Variants in KCNB2 observed in about 807,000 individuals in gnomAD.
The protein encoded by KCNB2 is delayed rectifier potassium channel protein.
Under a neutral mutation model 61.5 loss-of-function variants are expected in KCNB2, and 15 were observed. The observed-to-expected ratio is 0.24, with a 90% CI of 0.16 to 0.38. The LOEUF (loss-of-function observed/expected upper bound fraction) is 0.38. Among genes scored for constraint, KCNB2 ranks in the 10% least tolerant of loss-of-function variants. The pLI is 1.00. For synonymous variants in KCNB2, 457 were observed against 446.0 expected (o/e 1.02, Z -0.31); for missense variants, 828 against 1,125.2 (o/e 0.74, Z 3.78).
chr8:72,890,446 G>A (rs7013227), intron 2 of KCNB2, among the ~76,000 whole-genome samples: 6,301 of 152,184 alleles, frequency 0.041, 392 homozygotes, highest in African/African-American at 0.14. Context: ...ATACTATGCC[G>A]TCTTAGTAAG....
chr8:72,666,430 T>C (rs989586287), intron 2 of KCNB2, among the ~76,000 whole-genome samples: 3 of 152,164 alleles, frequency 2.0e-5, no homozygotes, highest in African/African-American at 7.2e-5. Flanking sequence ...ATAATAATGG[T>C]CAATATCTGT....
At chr8:72,871,706 G>A (rs1395319941) in intron 2 of KCNB2, among the ~76,000 whole-genome samples, 1 of 152,034 alleles carries the variant, frequency 6.6e-6, no homozygotes, top group Non-Finnish European at 1.5e-5. Flanking sequence ...ACTCTCCCTT[G>A]TTCTCTGTGT....
intron 2 of KCNB2, among the ~76,000 whole-genome samples, chr8:72,746,435 CTT>C (rs1168375745): frequency 6.6e-6 from 1 of 152,174 alleles, no homozygotes; most frequent in African/African-American, 2.4e-5. Flanking sequence ...GCTGAAAACT[CTT>C]TAAAATGTTC....
chr8:72,915,814 G>A (rs1806388462), intron 2 of KCNB2, among the ~76,000 whole-genome samples: 1 of 152,166 alleles, frequency 6.6e-6, no homozygotes, highest in Admixed American at 6.5e-5. Flanking sequence ...AGCTACTCAG[G>A]AGGCTGAGGC....
chr8:72,714,757 A>T (rs535575521), intron 2 of KCNB2, among the ~76,000 whole-genome samples: 14 of 152,092 alleles, frequency 9.2e-5, no homozygotes, highest in Non-Finnish European at 1.9e-4. Flanking sequence ...ATCAACTAAC[A>T]AGCAAAATAA....
intron 2 of KCNB2, among the ~76,000 whole-genome samples, chr8:72,689,081 T>C (rs148970507): frequency 7.8e-4 from 118 of 152,226 alleles, no homozygotes; most frequent in African/African-American, 2.7e-3. Context: ...CTTTCACATA[T>C]TGAGGAAGGA....
intron 2 of KCNB2, among the ~76,000 whole-genome samples, chr8:72,635,731 A>G (rs1335841852): frequency 6.6e-6 from 1 of 152,226 alleles, no homozygotes; most frequent in Non-Finnish European, 1.5e-5. Context: ...TGTGGCATAT[A>G]AAGAAGAGAA....
chr8:72,893,901 CAT>C (rs1212121351), intron 2 of KCNB2, among the ~76,000 whole-genome samples: 3 of 152,118 alleles, frequency 2.0e-5, no homozygotes, highest in Non-Finnish European at 2.9e-5. Context: ...ATAATAAAGT[CAT>C]GTGTAAATCC....
rs551058584 is a variant in KCNB2, at chr8:72,640,150, G to A, written c.579+71837G>A. On this transcript the variant is annotated intron_variant, in intron 2 of 2. Coordinates refer to ENST00000523207, the MANE Select transcript of KCNB2 (RefSeq NM_004770.3). ...AAGAAATGAAGGAACAAAGTGGTGT[G>A]TGCTTTGTTTAGTGGACAGTGACTA... 1.4e-3 allele frequency among the ~76,000 whole-genome samples: 217 copies of A among 152,188 alleles called. 1 individual carries two copies. The highest frequency in any genetic ancestry group is 4.9e-3 in the African/African-American group (202 of 41,546).
chr8:72,848,869 TCAAGGAGCTTA>T (rs1293063066), intron 2 of KCNB2, among the ~76,000 whole-genome samples: 5 of 152,026 alleles, frequency 3.3e-5, no homozygotes, highest in Non-Finnish European at 7.4e-5. Context: ...CCTTCTACCG[TCAAGGAGCTTA>T]CAAGCTATTG....
chr8:72,625,304 G>A (rs532020481), intron 2 of KCNB2, among the ~76,000 whole-genome samples: 96 of 152,186 alleles, frequency 6.3e-4, no homozygotes, highest in Non-Finnish European at 1.2e-3. Flanking sequence ...TGAGGAGCTT[G>A]TATTTCAATA....
chr8:72,648,674 T>C (rs1180303680), intron 2 of KCNB2, among the ~76,000 whole-genome samples: 1 of 152,038 alleles, frequency 6.6e-6, no homozygotes, highest in African/African-American at 2.4e-5. Flanking sequence ...TTTTGCCTTA[T>C]TTTAGCTCAC....
chr8:72,601,398 A>C (rs72668142), intron 2 of KCNB2, among the ~76,000 whole-genome samples: 6,062 of 152,316 alleles, frequency 0.04, 179 homozygotes, highest in Middle Eastern at 0.11. Flanking sequence ...TTGCCTTGTC[A>C]TTTAGAGAAA....
In KCNB2 at chr8:72,619,794, C is replaced by T. The variant is rs564395683; in HGVS notation, c.579+51481C>T. ...AGTTAGCTTCAGGTAACAAAATAATCTTCAAAACTGTAACAGTAAAAAGTT... is the reference window on the plus strand; with the variant it reads ...AGTTAGCTTCAGGTAACAAAATAATTTTCAAAACTGTAACAGTAAAAAGTT... On this transcript the variant is annotated intron_variant, in intron 2 of 2. Coordinates refer to ENST00000523207, the MANE Select transcript of KCNB2 (RefSeq NM_004770.3). Among the ~76,000 whole-genome samples the T allele has an allele frequency of 8.5e-5, 13 of 152,162 alleles. No individual in the cohort carries two copies. The South Asian group carries it at 1.7e-3, about 19-fold the overall frequency.
intron 2 of KCNB2, among the ~76,000 whole-genome samples, chr8:72,843,590 T>C (rs1385993209): frequency 6.6e-6 from 1 of 152,224 alleles, no homozygotes; most frequent in African/African-American, 2.4e-5. Context: ...TGTAGGTCTC[T>C]AAGAACTTGC....
chr8:72,546,521 A>C (rs1449879453), intron 1 of KCNB2, among the ~76,000 whole-genome samples: 1 of 152,000 alleles, frequency 6.6e-6, no homozygotes, highest in East Asian at 1.9e-4. Flanking sequence ...TGTGTCAAAA[A>C]AAAAAAAAAA....
chr8:72,676,287 G>A (rs560246444), intron 2 of KCNB2, among the ~76,000 whole-genome samples: 1 of 152,146 alleles, frequency 6.6e-6, no homozygotes, highest in East Asian at 1.9e-4. Context: ...AATAATCAAT[G>A]TGCATTCACC....
chr8:72,627,002 A>G (rs1027024613), intron 2 of KCNB2, among the ~76,000 whole-genome samples: 2 of 152,180 alleles, frequency 1.3e-5, no homozygotes, highest in Admixed American at 6.5e-5. Context: ...GTAGGAAACC[A>G]TTGTGTGTTA....
intron 2 of KCNB2, among the ~76,000 whole-genome samples, chr8:72,722,275 A>G (rs1462480789): frequency 6.6e-6 from 1 of 152,156 alleles, no homozygotes; most frequent in Non-Finnish European, 1.5e-5. Flanking sequence ...AGGCAGAATG[A>G]TCTTCCAAAC....
Sources: gnomAD v4.1 joint callset for allele counts (sites outside exome capture counted in the v4.1 genomes callset) on GRCh38, gnomAD v4.1.1 for gene constraint, MANE v1.5 for transcripts, NCBI Gene and HGNC (gene_info 2026-07-23, HGNC 2026-07-21) for gene names.